MYO6: variants seen among roughly 807,000 people sequenced by gnomAD.
MYO6 encodes unconventional myosin-VI.
In MYO6, 74 loss-of-function variants were observed where a neutral mutation model predicts 178.7. The observed-to-expected ratio is 0.41, with a 90% CI of 0.34 to 0.50. The LOEUF (loss-of-function observed/expected upper bound fraction) is 0.50, where lower values mean the gene tolerates loss of function less well. Among genes scored for constraint, MYO6 ranks in the 20% least tolerant of loss-of-function variants. The pLI, the probability that MYO6 is intolerant of heterozygous loss-of-function variation, is 0.09. For synonymous variants in MYO6, 477 were observed against 504.6 expected (o/e 0.95, Z 0.73); for missense variants, 1,330 against 1,547.4 (o/e 0.86, Z 2.36).
intron 32 of MYO6, among the ~76,000 whole-genome samples, chr6:75,911,228 T>A (rs1780733397): frequency 6.6e-6 from 1 of 152,062 alleles, no homozygotes; most frequent in African/African-American, 2.4e-5. Context: ...TTAGAGAGTT[T>A]AAAAAAAGCA....
At chr6:75,842,918 A>G (rs1445539861) in intron 9 of MYO6, among the ~76,000 whole-genome samples, 1 of 152,160 alleles carries the variant, frequency 6.6e-6, no homozygotes, top group East Asian at 1.9e-4. Flanking sequence ...CAGCTATTGA[A>G]ATATATCTGG....
At chr6:75,814,679 C>A (rs1304873361) in intron 1 of MYO6, among the ~76,000 whole-genome samples, 1 of 151,976 alleles carries the variant, frequency 6.6e-6, no homozygotes. Flanking sequence ...CTGGGCAACA[C>A]AGTGAGACCC....
chr6:75,834,229 T>A (rs1773415186), intron 6 of MYO6, among the ~76,000 whole-genome samples: 1 of 152,096 alleles, frequency 6.6e-6, no homozygotes, highest in African/African-American at 2.4e-5. Context: ...TTTGGTTTGG[T>A]TTGTTTTTTT....
At chr6:75,869,755 A>T (rs1776984609) in intron 18 of MYO6, among the ~76,000 whole-genome samples, 1 of 152,214 alleles carries the variant, frequency 6.6e-6, no homozygotes, top group Non-Finnish European at 1.5e-5. Context: ...TGTAATGTTC[A>T]TTGTCAATTT....
At chr6:75,782,382 G>C (rs1767070926) in intron 1 of MYO6, among the ~76,000 whole-genome samples, 1 of 151,856 alleles carries the variant, frequency 6.6e-6, no homozygotes, top group Non-Finnish European at 1.5e-5. Context: ...GATTCTTATT[G>C]CTGCTGCTTC....
intron 25 of MYO6, 46 bp downstream of exon 25, chr6:75,887,040 A>G: frequency 1.9e-6 from 3 of 1,562,744 alleles, no homozygotes; most frequent in South Asian, 1.1e-5. Context: ...ATGTAATTTA[A>G]TATATTTTGT....
rs1281122340 is a variant in MYO6 at position 75,824,771 on chromosome 6, T to TC, written c.187+1920_187+1921insC. On this transcript the variant is annotated intron_variant, in intron 3 of 34. Transcript: ENST00000369977. ...CTACTTTTCGGTCTAAATTTTTTTT[T>TC]TTTTTTTTGAGACAGTCTCGCTCTG... Among the ~76,000 whole-genome samples the TC allele has an allele frequency of 2.6e-5, 4 of 151,668 alleles. No individual in the cohort carries two copies. In the East Asian group the frequency reaches 5.8e-4, roughly 22 times the overall value.
chr6:75,851,911 CT>C (rs1775304784), intron 11 of MYO6, among the ~76,000 whole-genome samples: 1 of 152,120 alleles, frequency 6.6e-6, no homozygotes, highest in South Asian at 2.1e-4. Context: ...GGACTCTTAA[CT>C]GTCATAAAGA....
rs747793426 is a variant in MYO6 at position 75,840,633 on chromosome 6, A to G, written c.602A>G (p.Asn201Ser). 2 of 1,614,052 alleles carry G rather than the reference A, an allele frequency of 1.2e-6. No homozygotes were observed. The highest frequency in any genetic ancestry group is 4.5e-5 in the East Asian group (2 of 44,868). Reference protein sequence around the residue: ...AFGNAKTVRNNNSSRFGKFVE... With the variant: ...AFGNAKTVRNSNSSRFGKFVE... ...GGAAATGCGAAGACTGTTCGCAACA[A>G]TAATAGCAGTCGATTTGGGAAATTT... is the stretch of plus-strand genomic sequence containing the variant. The change falls in exon 8 of 35, where the codon AAT (asparagine) becomes AGT (serine). Residue 201 changes from asparagine to serine, a missense_variant. Transcript: ENST00000369977.
intron 6 of MYO6, 23 bp from the exon 7 acceptor site, chr6:75,835,878 T>C: frequency 1.4e-6 from 2 of 1,445,988 alleles, no homozygotes; most frequent in Non-Finnish European, 9.7e-7. Context: ...TCATCAACAT[T>C]TTTTATCCTA....
At chr6:75,910,796 A>G (rs1484421788) in intron 32 of MYO6, among the ~76,000 whole-genome samples, 3 of 152,188 alleles carry the variant, frequency 2.0e-5, no homozygotes, top group African/African-American at 7.2e-5. Context: ...AAGAAGCTCA[A>G]TTGAGAAAAT....
At chr6:75,761,896 A>G (rs1366005009) in intron 1 of MYO6, among the ~76,000 whole-genome samples, 1 of 151,738 alleles carries the variant, frequency 6.6e-6, no homozygotes, top group East Asian at 1.9e-4. Context: ...TGAATGAGTG[A>G]TCTAAAATCA....
intron 1 of MYO6, among the ~76,000 whole-genome samples, chr6:75,797,918 G>A (rs1769029696): frequency 6.6e-6 from 1 of 152,128 alleles, no homozygotes; most frequent in Non-Finnish European, 1.5e-5. Flanking sequence ...CAGTATATAA[G>A]CATTCTCTTT....
At chr6:75,830,683 C>T (rs1772992824) in intron 5 of MYO6, 138 bp downstream of exon 5, 2 of 828,034 alleles carry the variant, frequency 2.4e-6, no homozygotes, top group South Asian at 1.6e-5. Flanking sequence ...TTGGATATAT[C>T]AACATTGTTA....
intron 19 of MYO6, among the ~76,000 whole-genome samples, chr6:75,871,955 C>T (rs1182871677): frequency 3.3e-5 from 5 of 151,814 alleles, no homozygotes; most frequent in Non-Finnish European, 5.9e-5. Context: ...GGTGAAACCT[C>T]GTCTCTGCTA....
At chr6:75,801,561 T>C (rs932601962) in intron 1 of MYO6, among the ~76,000 whole-genome samples, 21 of 152,282 alleles carry the variant, frequency 1.4e-4, no homozygotes, top group African/African-American at 4.8e-4. Context: ...GCATTTGCAT[T>C]TTCAGAGATA....
At chr6:75,784,570 G>A (rs910833742) in intron 1 of MYO6, among the ~76,000 whole-genome samples, 2 of 151,528 alleles carry the variant, frequency 1.3e-5, no homozygotes, top group East Asian at 2.0e-4. Flanking sequence ...TCAGGAGATC[G>A]AGACCATCCT....
chr6:75,779,056 CAAAAAAAAAAAAA>C (rs142469441), intron 1 of MYO6, among the ~76,000 whole-genome samples: 1 of 64,560 alleles, frequency 1.5e-5, no homozygotes, highest in Admixed American at 2.2e-4. Context: ...GACTTTGTCT[CAAAAAAAAAAAAA>C]AAAAAAAAAA....
chr6:75,884,102 C>A (rs994419463), intron 23 of MYO6, among the ~76,000 whole-genome samples: 1 of 152,178 alleles, frequency 6.6e-6, no homozygotes, highest in African/African-American at 2.4e-5. Flanking sequence ...GTAAACTCAT[C>A]TGTTACACCA....
Sources: gnomAD v4.1 joint callset for allele counts (sites outside exome capture counted in the v4.1 genomes callset) on GRCh38, gnomAD v4.1.1 for gene constraint, MANE v1.5 for transcripts, NCBI Gene and HGNC (gene_info 2026-07-23, HGNC 2026-07-21) for gene names.